ZBTB7C: variants seen among roughly 807,000 people sequenced by gnomAD.
ZBTB7C encodes zinc finger and BTB domain-containing protein 7C.
ZBTB7C carries 8 observed loss-of-function variants against 25.7 expected under a neutral mutation model. The observed-to-expected ratio is 0.31, with a 90% CI of 0.18 to 0.56. The LOEUF is 0.56. Ranked by LOEUF, ZBTB7C falls within the 20% of genes least tolerant of loss-of-function variation. The pLI is 0.91. For synonymous variants in ZBTB7C, 394 were observed against 369.0 expected (o/e 1.07, Z -0.78); for missense variants, 824 against 855.2 (o/e 0.96, Z 0.46).
At chr18:48,103,235 G>T (rs909579426) in intron 3 of ZBTB7C, among the ~76,000 whole-genome samples, 26 of 151,652 alleles carry the variant, frequency 1.7e-4, no homozygotes, top group African/African-American at 6.1e-4. Context: ...CACATTCCCA[G>T]TAAGAAAAAT....
In ZBTB7C at chr18:48,029,237, G is replaced by A. The variant is rs959473647; in HGVS notation, c.*23C>T. 3.3e-6 allele frequency: 5 copies of A among 1,526,338 alleles called. No homozygotes were observed. Among genetic ancestry groups the A allele is most frequent in the East Asian group, 4.9e-5 (2 of 40,748 alleles). The allele number at this position is 1,526,338 out of a possible 1,614,324, so 94.5% of individuals were successfully genotyped here. A position where few individuals can be genotyped will look rare whatever the true frequency, so the allele number is the denominator to read the frequency against. On this transcript the variant is annotated 3_prime_UTR_variant, in exon 5 of 5. Transcript: ENST00000590800. ...AGGGAGAAGGACTGGAGGGCTGGTG[G>A]GCTGGAGCCGACAGGGACCAGCCTA... is the stretch of plus-strand genomic sequence containing the variant.
intron 2 of ZBTB7C, among the ~76,000 whole-genome samples, chr18:48,188,419 G>A (rs890205519): frequency 1.3e-5 from 2 of 152,204 alleles, no homozygotes; most frequent in Non-Finnish European, 2.9e-5. Context: ...ATTGGCTCTC[G>A]TGAGAACTCA....
intron 1 of ZBTB7C, among the ~76,000 whole-genome samples, chr18:48,402,719 A>G (rs556607771): frequency 6.6e-6 from 1 of 152,190 alleles, no homozygotes; most frequent in East Asian, 1.9e-4. Context: ...TCCCAATTAT[A>G]TTTTATGTGT....
intron 2 of ZBTB7C, among the ~76,000 whole-genome samples, chr18:48,333,094 A>G (rs1224682878): frequency 1.3e-5 from 2 of 152,128 alleles, no homozygotes; most frequent in African/African-American, 2.4e-5. Context: ...CAAATTAGAA[A>G]CTAATTAAGG....
chr18:48,168,235 G>C (rs1235998325), intron 3 of ZBTB7C, among the ~76,000 whole-genome samples: 1 of 152,242 alleles, frequency 6.6e-6, no homozygotes, highest in Non-Finnish European at 1.5e-5. Context: ...CTGCAAAGAG[G>C]TCCTTGGAAA....
intron 1 of ZBTB7C, among the ~76,000 whole-genome samples, chr18:48,351,321 G>T (rs1317676778): frequency 6.6e-6 from 1 of 152,152 alleles, no homozygotes; most frequent in East Asian, 1.9e-4. Context: ...TCTTGTTGGT[G>T]ACGGGGCAGG....
intron 2 of ZBTB7C, among the ~76,000 whole-genome samples, chr18:48,270,941 C>T (rs1568343139): frequency 6.6e-6 from 1 of 151,770 alleles, no homozygotes; most frequent in Non-Finnish European, 1.5e-5. Flanking sequence ...CATGACAAAA[C>T]AGTAGATATT....
chr18:48,402,173 A>C (rs571803713), intron 1 of ZBTB7C, among the ~76,000 whole-genome samples: 1 of 152,216 alleles, frequency 6.6e-6, no homozygotes, highest in South Asian at 2.1e-4. Flanking sequence ...GCAGGAGTGA[A>C]GACGTCCCCC....
chr18:48,363,534 A>T (rs968511694), intron 1 of ZBTB7C, among the ~76,000 whole-genome samples: 3 of 152,222 alleles, frequency 2.0e-5, no homozygotes, highest in Non-Finnish European at 4.4e-5. Context: ...AAGGCAATTG[A>T]AAAGAGCTCA....
chr18:48,240,832 A>G (rs1226280190), intron 2 of ZBTB7C, among the ~76,000 whole-genome samples: 4 of 152,214 alleles, frequency 2.6e-5, no homozygotes, highest in Non-Finnish European at 5.9e-5. Context: ...CAATGAATAG[A>G]GTAGCACCTC....
Position 48,222,068 on chromosome 18 carries a change from A to G in ZBTB7C, c.-78-36073T>C, listed in dbSNP as rs562039277. Reference sequence around the variant, plus strand: ...TCTTCTCCTTCTATACTGTTCCTAGACCCCCTCTATACTATCCTAGTCTCC... The same window carrying G: ...TCTTCTCCTTCTATACTGTTCCTAGGCCCCCTCTATACTATCCTAGTCTCC... On this transcript the variant is annotated intron_variant, in intron 2 of 4. Coordinates refer to ENST00000590800, the MANE Select transcript of ZBTB7C (RefSeq NM_001318841.2). Among the ~76,000 whole-genome samples, 264 of 140,308 alleles carry G rather than the reference A, an allele frequency of 1.9e-3. 3 individuals are homozygous for G. Among genetic ancestry groups the G allele is most frequent in the South Asian group, 4.2e-3 (18 of 4,336 alleles). The allele number at this position is 140,308 out of a possible 152,430, so 92.0% of individuals were successfully genotyped here.
intron 2 of ZBTB7C, among the ~76,000 whole-genome samples, chr18:48,193,533 A>G (rs1042768466): frequency 1.3e-5 from 2 of 152,240 alleles, no homozygotes; most frequent in Non-Finnish European, 2.9e-5. Flanking sequence ...TTGCTGAACA[A>G]AATGAATAGC....
intron 2 of ZBTB7C, among the ~76,000 whole-genome samples, chr18:48,304,204 G>C (rs1382341914): frequency 6.6e-6 from 1 of 152,230 alleles, no homozygotes; most frequent in African/African-American, 2.4e-5. Flanking sequence ...TTCTGATCCA[G>C]TTTATGAGGG....
intron 3 of ZBTB7C, among the ~76,000 whole-genome samples, chr18:48,123,572 C>T (rs1444151662): frequency 5.9e-5 from 9 of 152,334 alleles, no homozygotes; most frequent in Non-Finnish European, 1.3e-4. Flanking sequence ...TCCCTCCCTC[C>T]CCCTGCCTCT....
At chr18:48,164,026 C>G (rs1314333887) in intron 3 of ZBTB7C, among the ~76,000 whole-genome samples, 1 of 152,160 alleles carries the variant, frequency 6.6e-6, no homozygotes, top group Non-Finnish European at 1.5e-5. Context: ...GCTCTGAGTA[C>G]TAATATGCAT....
chr18:48,071,674 G>T (rs550848432), intron 3 of ZBTB7C, among the ~76,000 whole-genome samples: 1 of 152,142 alleles, frequency 6.6e-6, no homozygotes, highest in Non-Finnish European at 1.5e-5. Context: ...GCAAGAACTC[G>T]AACAGATATT....
chr18:48,377,529 C>T (rs543815108), intron 1 of ZBTB7C, among the ~76,000 whole-genome samples: 1 of 152,314 alleles, frequency 6.6e-6, no homozygotes, highest in African/African-American at 2.4e-5. Flanking sequence ...ACTGCTAAGG[C>T]CCACACTGGG....
chr18:48,193,351 G>T (rs750955878), intron 2 of ZBTB7C, among the ~76,000 whole-genome samples: 2 of 150,042 alleles, frequency 1.3e-5, no homozygotes, highest in African/African-American at 4.8e-5. Flanking sequence ...CGCAGGTCTA[G>T]AGGCTAGACT....
At chr18:48,393,466 T>C (rs963324680) in intron 1 of ZBTB7C, among the ~76,000 whole-genome samples, 6 of 152,066 alleles carry the variant, frequency 3.9e-5, no homozygotes, top group African/African-American at 1.5e-4. Context: ...GTCACTGAAT[T>C]GTACACCTAA....
Sources: allele counts gnomAD v4.1 joint callset (sites outside exome capture counted in the v4.1 genomes callset), GRCh38; gene constraint gnomAD v4.1.1; transcripts MANE v1.5; gene names NCBI Gene and HGNC (gene_info 2026-07-23, HGNC 2026-07-21).